MSI2: variants seen among roughly 807,000 people sequenced by gnomAD.
MSI2 encodes the protein musashi RNA binding protein 2, also known as RNA-binding protein Musashi homolog 2.
In MSI2, 17 loss-of-function variants were observed where a neutral mutation model predicts 45.6. The observed-to-expected ratio is 0.37, with a 90% CI of 0.26 to 0.56. MSI2 has a LOEUF of 0.56. Among genes scored for constraint, MSI2 ranks in the 20% least tolerant of loss-of-function variants. The probability of loss-of-function intolerance (pLI) is 0.77; values close to 1 mark genes in which losing one functional copy is unlikely to be tolerated. For missense variants in MSI2, 293 were observed against 444.2 expected (o/e 0.66, Z 3.06); for synonymous variants, 156 against 158.2 (o/e 0.99, Z 0.11).
chr17:57,426,912 G>T (rs1028438660), intron 6 of MSI2, among the ~76,000 whole-genome samples: 1 of 152,240 alleles, frequency 6.6e-6, no homozygotes, highest in African/African-American at 2.4e-5. Context: ...GAGATTAAAT[G>T]GAAGCAAACT....
At chr17:57,698,407 C>G in the MSI2 span, among the ~76,000 whole-genome samples, 10 of 152,214 alleles carry the variant, frequency 6.6e-5, no homozygotes, top group African/African-American at 2.4e-4. Context: ...GGCTCCCTGG[C>G]CCATCCCTGC....
the MSI2 span, among the ~76,000 whole-genome samples, chr17:57,689,764 C>T: frequency 5.2e-4 from 79 of 152,316 alleles, no homozygotes; most frequent in African/African-American, 1.9e-3. Flanking sequence ...TCTAAAGTTT[C>T]ATATAACTTG....
chr17:57,287,773 G>A (rs1462785830), intron 5 of MSI2, among the ~76,000 whole-genome samples: 3 of 152,210 alleles, frequency 2.0e-5, no homozygotes, highest in East Asian at 1.9e-4. Context: ...CAGGATGTCT[G>A]TTTCGGCCGG....
intron 10 of MSI2, chr17:57,631,952 G>T: frequency 2.7e-6 from 4 of 1,475,652 alleles, no homozygotes; most frequent in Non-Finnish European, 3.6e-6. Context: ...TTAGCTGCCT[G>T]TTTGAATGAC....
At chr17:57,519,402 A>C (rs558152925) in intron 6 of MSI2, among the ~76,000 whole-genome samples, 30 of 152,216 alleles carry the variant, frequency 2.0e-4, no homozygotes, top group Admixed American at 1.6e-3. Context: ...AGCAAGACAC[A>C]CTGAGTATCC....
intron 5 of MSI2, among the ~76,000 whole-genome samples, chr17:57,293,598 T>TTTG (rs1910650049): frequency 7.3e-6 from 1 of 136,552 alleles, no homozygotes; most frequent in South Asian, 2.2e-4. Context: ...TTTTTTTGTT[T>TTTG]TTTTTTTTGT....
At chr17:57,478,908 G>A (rs556528721) in intron 6 of MSI2, among the ~76,000 whole-genome samples, 7 of 152,204 alleles carry the variant, frequency 4.6e-5, no homozygotes, top group South Asian at 2.1e-4. Flanking sequence ...TTGTTCATTC[G>A]TTCATTCATT....
At chr17:57,526,601 G>A (rs1383650503) in intron 6 of MSI2, among the ~76,000 whole-genome samples, 2 of 151,982 alleles carry the variant, frequency 1.3e-5, no homozygotes, top group African/African-American at 4.8e-5. Context: ...ATTCTATTCA[G>A]TCTTTGTATA....
intron 5 of MSI2, among the ~76,000 whole-genome samples, chr17:57,388,981 CTT>C (rs1251175262): frequency 4.4e-5 from 5 of 113,818 alleles, no homozygotes; most frequent in Admixed American, 9.9e-5. Context: ...TCTTCTTCTT[CTT>C]TTTTTTTTTT....
chr17:57,377,610 A>G (rs904288668), intron 5 of MSI2, among the ~76,000 whole-genome samples: 25 of 152,162 alleles, frequency 1.6e-4, no homozygotes, highest in African/African-American at 4.6e-4. Flanking sequence ...ATATTTGACT[A>G]TATTTCCCTG....
Position 57,415,762 on chromosome 17 carries a change from C to T in MSI2, c.405+14291C>T, listed in dbSNP as rs80098804. ...TCTGCACAAAGCCCTCTCTGTGTGC[C>T]AAATGGACGGTTTTTGGACCAGTTT... On this transcript the variant is annotated intron_variant, in intron 6 of 13. Transcript: ENST00000284073. Among the ~76,000 whole-genome samples the T allele has an allele frequency of 5.4e-3, 824 of 152,136 alleles. 11 individuals are homozygous for T. The highest frequency in any genetic ancestry group is 0.019 in the African/African-American group (776 of 41,484).
At chr17:57,257,005 T>C (rs1352596854) in intron 1 of MSI2, 93 bp from the exon 2 acceptor site, 1 of 1,483,698 alleles carries the variant, frequency 6.7e-7, no homozygotes, top group South Asian at 1.1e-5. Flanking sequence ...GCTCGCTCGC[T>C]CCCCCCCGCT....
chr17:57,667,537 C>T (rs1319067895), intron 11 of MSI2, among the ~76,000 whole-genome samples: 1 of 152,152 alleles, frequency 6.6e-6, no homozygotes, highest in Non-Finnish European at 1.5e-5. Context: ...ATCCAGTCAC[C>T]GCACAGGGCC....
chr17:57,324,595 C>T (rs922534062), intron 5 of MSI2, among the ~76,000 whole-genome samples: 8 of 152,146 alleles, frequency 5.3e-5, no homozygotes, highest in African/African-American at 1.9e-4. Flanking sequence ...CTGCCTGGCT[C>T]GGAAGGTGTT....
At chr17:57,604,152 T>A (rs1198848156) in intron 8 of MSI2, among the ~76,000 whole-genome samples, 1 of 152,182 alleles carries the variant, frequency 6.6e-6, no homozygotes, top group Admixed American at 6.5e-5. Context: ...CTTGGGCAAG[T>A]TACTTCTGTG....
intron 6 of MSI2, among the ~76,000 whole-genome samples, chr17:57,413,161 A>T (rs1373425989): frequency 6.6e-6 from 1 of 152,068 alleles, no homozygotes; most frequent in Non-Finnish European, 1.5e-5. Context: ...TTATATACAC[A>T]CACACACACA....
intron 6 of MSI2, among the ~76,000 whole-genome samples, chr17:57,468,957 G>A (rs2085383599): frequency 6.6e-6 from 1 of 152,152 alleles, no homozygotes; most frequent in African/African-American, 2.4e-5. Context: ...TGAAAGCAGA[G>A]GCCTTGAGTC....
At chr17:57,484,485 T>C (rs1006209043) in intron 6 of MSI2, among the ~76,000 whole-genome samples, 1 of 152,216 alleles carries the variant, frequency 6.6e-6, no homozygotes, top group Non-Finnish European at 1.5e-5. Context: ...TCTAAATCTG[T>C]TTTTCATTAG....
chr17:57,401,548 C>T (rs933770936), intron 6 of MSI2, 77 bp downstream of exon 6: 21 of 1,114,334 alleles, frequency 1.9e-5, no homozygotes, highest in South Asian at 1.0e-4. Context: ...CCGTGGCCCC[C>T]GCCCCTGCTA....
Sources: allele counts gnomAD v4.1 joint callset (sites outside exome capture counted in the v4.1 genomes callset), GRCh38; gene constraint gnomAD v4.1.1; transcripts MANE v1.5; gene names NCBI Gene and HGNC (gene_info 2026-07-23, HGNC 2026-07-21).